Variants in ANKRD42 observed in about 807,000 individuals in gnomAD.
ANKRD42 encodes the protein ankyrin repeat domain 42.
Under a neutral mutation model 51.5 loss-of-function variants are expected in ANKRD42, and 43 were observed. That is an observed-to-expected ratio of 0.83 (90% CI 0.65 to 1.08). The LOEUF (loss-of-function observed/expected upper bound fraction) is 1.08. Ranked by LOEUF, ANKRD42 falls within the 50% of genes least tolerant of loss-of-function variation. ANKRD42 has a pLI of 0.00. For missense variants in ANKRD42, 608 were observed against 629.3 expected (o/e 0.97, Z 0.36); for synonymous variants, 203 against 213.0 (o/e 0.95, Z 0.41).
intron 3 of ANKRD42, chr11:83,209,602 G>C: frequency 3.4e-6 from 3 of 880,272 alleles, no homozygotes; most frequent in East Asian, 4.8e-5. Flanking sequence ...ACATATTGCT[G>C]TTCCGGTGCC....
In ANKRD42 at chr11:83,198,563, G is replaced by A. The variant is rs775040014; in HGVS notation, c.143G>A (p.Arg48His). The A allele has an allele frequency of 2.2e-5, 35 of 1,613,696 alleles. No homozygotes were observed. The highest frequency in any genetic ancestry group is 1.6e-4 in the Middle Eastern group (1 of 6,084). ...AAGCAGCTTTCAGAAATAGTGGTACGTGGAGCCAGCATTAATGAACTTGAT... is the reference window on the plus strand; with the variant it reads ...AAGCAGCTTTCAGAAATAGTGGTACATGGAGCCAGCATTAATGAACTTGAT... ...DVKQLSEIVV[R>H]GASINELDVL... The change falls in exon 2 of 11, where the codon CGT (arginine) becomes CAT (histidine). Residue 48 changes from arginine to histidine, a missense_variant. Coordinates refer to ENST00000533342, the MANE Select transcript of ANKRD42 (RefSeq NM_001300975.2).
At chr11:83,234,810 A>G (rs1328364596) in intron 7 of ANKRD42, among the ~76,000 whole-genome samples, 2 of 152,196 alleles carry the variant, frequency 1.3e-5, no homozygotes, top group Non-Finnish European at 2.9e-5. Flanking sequence ...GATAGGCTGT[A>G]GGAGAGAGAG....
chr11:83,238,895 A>G (rs765276745), intron 8 of ANKRD42, among the ~76,000 whole-genome samples: 5 of 151,576 alleles, frequency 3.3e-5, no homozygotes, highest in Non-Finnish European at 7.4e-5. Context: ...AGTCCCAGCT[A>G]CTACTTGGGA....
downstream of ANKRD42, among the ~76,000 whole-genome samples, chr11:83,258,054 G>A (rs1863803950): frequency 1.3e-5 from 2 of 152,188 alleles, no homozygotes. Flanking sequence ...TTCTTCTTCT[G>A]GAATGTGGAT....
chr11:83,254,973 G>A (rs1024082358), intron 11 of ANKRD42, among the ~76,000 whole-genome samples: 1 of 152,174 alleles, frequency 6.6e-6, no homozygotes, highest in African/African-American at 2.4e-5. Context: ...CCAGATGCAT[G>A]GTTGTTTTTC....
rs201742646 is a variant in ANKRD42, at chr11:83,245,534, T to C, written c.1232T>C (p.Leu411Pro). ...AAGAAAATTGTAGAATTGAGACACC[T>C]CCTGGAAATTGCCGAGAGCAACTAT... is the stretch of plus-strand genomic sequence containing the variant. ...AYKKIVELRH[L>P]LEIAESNYKH... The change falls in exon 10 of 11, where the codon CTC becomes CCC. Residue 411 changes from leucine to proline, a missense_variant. Leu to Pro is a moderately conservative substitution (Grantham distance 98). Transcript: ENST00000533342. The C allele has an allele frequency of 2.6e-6, 4 of 1,536,470 alleles. No homozygotes were observed. The highest frequency in any genetic ancestry group is 2.6e-6 in the Non-Finnish European group (3 of 1,147,008).
At chr11:83,221,307 A>G (rs1011741037) in intron 5 of ANKRD42, among the ~76,000 whole-genome samples, 3 of 152,200 alleles carry the variant, frequency 2.0e-5, no homozygotes, top group Non-Finnish European at 4.4e-5. Flanking sequence ...GGTTTCTTTG[A>G]GATCACTAAG....
chr11:83,213,583 G>A, intron 5 of ANKRD42: 2 of 1,147,270 alleles, frequency 1.7e-6, no homozygotes, highest in African/African-American at 1.6e-5. Context: ...TCTTTCTGAT[G>A]GATGTATCTC....
downstream of ANKRD42, among the ~76,000 whole-genome samples, chr11:83,258,346 CAA>C (rs1045875116): frequency 7.0e-6 from 1 of 143,434 alleles, no homozygotes; most frequent in Admixed American, 6.9e-5. Context: ...GTTAATGAAA[CAA>C]AAAAAAAAGG....
At chr11:83,202,415 A>T (rs933074711) in intron 2 of ANKRD42, among the ~76,000 whole-genome samples, 1 of 152,222 alleles carries the variant, frequency 6.6e-6, no homozygotes, top group Non-Finnish European at 1.5e-5. Flanking sequence ...GTTTGAAGTC[A>T]GGTAGCATGA....
intron 5 of ANKRD42, among the ~76,000 whole-genome samples, chr11:83,216,468 G>A (rs1862537087): frequency 6.6e-6 from 1 of 152,098 alleles, no homozygotes; most frequent in Admixed American, 6.5e-5. Context: ...GGGACTACAG[G>A]CGCCCGCCAC....
At position 83,193,780 on chromosome 11, in the gene ANKRD42, G is replaced by C. The variant is rs528784773; in HGVS notation, c.-891G>C. 1.1e-5 allele frequency: 5 copies of C among 450,078 alleles called. No homozygotes were observed. In the Admixed American group the frequency reaches 1.2e-4, roughly 11 times the overall value. 27.9% of individuals were successfully genotyped at this position (450,078 alleles called of 1,614,324 possible). A position where few individuals can be genotyped will look rare whatever the true frequency, so the allele number is the denominator to read the frequency against. On this transcript the variant is annotated 5_prime_UTR_variant, in exon 1 of 11. Coordinates refer to ENST00000533342, the MANE Select transcript of ANKRD42 (RefSeq NM_001300975.2). The stretch of plus-strand genomic sequence containing the variant: ...GGCTGGAGTCGGGAGGCTGGAAAGA[G>C]ACTCCGAGAAAGTACCAGCGGAAGG...
rs1565189980 is a variant in ANKRD42, at chr11:83,227,840, G to GTGCT, written c.882_885dup (p.Asp296CysfsTer2). 2 of 1,611,998 alleles carry GTGCT rather than the reference G, an allele frequency of 1.2e-6. No individual in the cohort carries two copies. Among genetic ancestry groups the GTGCT allele is most frequent in the Non-Finnish European group, 1.7e-6 (2 of 1,179,304 alleles). ...GATGGAGTAATCAATATTAATGAGCGTGCTGATAATGGATCAACTCCTATG... is the reference window on the plus strand; with the variant it reads ...GATGGAGTAATCAATATTAATGAGCGTGCTTGCTGATAATGGATCAACTCCTATG... On this transcript the variant is annotated frameshift_variant, in exon 7 of 11. Coordinates refer to ENST00000533342, the MANE Select transcript of ANKRD42 (RefSeq NM_001300975.2). LOFTEE classifies it high-confidence loss of function.
downstream of ANKRD42, among the ~76,000 whole-genome samples, chr11:83,253,396 A>G (rs1863708337): frequency 6.6e-6 from 1 of 152,236 alleles, no homozygotes; most frequent in South Asian, 2.1e-4. Context: ...AGAATTTCTC[A>G]GAGTGCATAG....
At chr11:83,211,467 G>A (rs1862314905) in intron 5 of ANKRD42, 37 bp downstream of exon 5, 1 of 1,600,506 alleles carries the variant, frequency 6.2e-7, no homozygotes, top group South Asian at 1.1e-5. Flanking sequence ...GTTTTTCATT[G>A]ATGTAAACTT....
chr11:83,253,866 G>C (rs534935568), downstream of ANKRD42, among the ~76,000 whole-genome samples: 3 of 152,180 alleles, frequency 2.0e-5, no homozygotes, highest in African/African-American at 7.2e-5. Flanking sequence ...TTAAGACTTG[G>C]TTTGATAGAA....
At position 83,248,848 on chromosome 11, in the gene ANKRD42, T is replaced by G. The variant is rs182946637; in HGVS notation, c.*644T>G. On this transcript the variant is annotated 3_prime_UTR_variant, in exon 11 of 11. Transcript: ENST00000533342. ...CATACCATATTAGACAAAATTCTAT[T>G]TATCTGCAAACATGTATGTGTATTT... 1.8e-3 allele frequency: 1,816 copies of G among 982,478 alleles called. 17 individuals carry two copies. The Admixed American group carries it at 0.03, about 16-fold the overall frequency. 60.9% of individuals were successfully genotyped at this position (982,478 alleles called of 1,614,324 possible). A position where few individuals can be genotyped will look rare whatever the true frequency, so the allele number is the denominator to read the frequency against.
chr11:83,203,399 T>TA (rs1220421768), intron 2 of ANKRD42, among the ~76,000 whole-genome samples: 1 of 149,908 alleles, frequency 6.7e-6, no homozygotes, highest in East Asian at 1.9e-4. Flanking sequence ...TCTTTCTTTT[T>TA]TTTTTTTTTT....
chr11:83,244,993 C>T (rs1029009895), intron 9 of ANKRD42, among the ~76,000 whole-genome samples: 15 of 152,052 alleles, frequency 9.9e-5, no homozygotes, highest in Non-Finnish European at 2.2e-4. Flanking sequence ...CAGTCTCTGC[C>T]TCCCGGGTTC....
Sources: allele counts gnomAD v4.1 joint callset (sites outside exome capture counted in the v4.1 genomes callset), GRCh38; gene constraint gnomAD v4.1.1; transcripts MANE v1.5; gene names NCBI Gene and HGNC (gene_info 2026-07-23, HGNC 2026-07-21).